UNC13D: variants seen among roughly 807,000 people sequenced by gnomAD.
UNC13D encodes protein unc-13 homolog D.
UNC13D carries 115 observed loss-of-function variants against 151.7 expected under a neutral mutation model. That is an observed-to-expected ratio of 0.76 (90% confidence interval 0.65 to 0.88). The LOEUF (loss-of-function observed/expected upper bound fraction) is 0.88. Among genes scored for constraint, UNC13D ranks in the 40% least tolerant of loss-of-function variants. UNC13D has a pLI of 0.00. For synonymous variants in UNC13D, 588 were observed against 612.2 expected, an observed-to-expected ratio of 0.96 and a Z score of 0.58; for missense variants, 1,369 against 1,438.7, an observed-to-expected ratio of 0.95 and a Z score of 0.78.
rs145830071 is a variant in UNC13D at position 75,829,170 on chromosome 17, G to A, written c.2955-187C>T. 4.0e-3 allele frequency among the ~76,000 whole-genome samples: 607 copies of A among 152,276 alleles called. 6 individuals carry two copies. The highest frequency in any genetic ancestry group is 0.014 in the South Asian group (66 of 4,812). ...CCGTGGGCTGATGCTTTAAACCAGC[G>A]GTCCTGTGTTCCCTGTTCACCTGTG... On this transcript the variant is annotated intron_variant, in intron 30 of 31. Transcript: ENST00000207549.
In UNC13D at chr17:75,840,805, G is replaced by A. The variant is rs769243366; in HGVS notation, c.640C>T (p.Arg214Ter). Residue 214 changes from arginine (R) to a stop codon, truncating the protein, a stop_gained, in exon 8 of 32, where the codon CGA (arginine) becomes TGA (stop). Transcript: ENST00000207549. LOFTEE classifies it high-confidence loss of function. The surrounding 1 kb of genome is among the most constrained non-coding windows in gnomAD (Gnocchi z 4.6). ...TCCGTGAGCTCCCCAAGCTTCTGTCGGACAGACTCCACAGTGTCCAGGTCC... is the reference window on the plus strand; with the variant it reads ...TCCGTGAGCTCCCCAAGCTTCTGTCAGACAGACTCCACAGTGTCCAGGTCC... The part of the protein sequence containing the change: ...MWDLDTVESV[R>*]QKLGELTDLH... 6.2e-6 allele frequency: 10 copies of A among 1,613,772 alleles called. No individual in the cohort carries two copies. Among genetic ancestry groups the A allele is most frequent in the East Asian group, 4.5e-5 (2 of 44,890 alleles).
Position 75,836,702 on chromosome 17 carries a change from G to C in UNC13D, c.1174-6C>G, listed in dbSNP as rs1422119469. 6.2e-7 allele frequency: 1 copy of C among 1,613,438 alleles called. No individual in the cohort carries two copies. Among genetic ancestry groups the C allele is most frequent in the African/African-American group, 1.3e-5 (1 of 74,952 alleles). On this transcript the variant is annotated splice_region_variant and splice_polypyrimidine_tract_variant and intron_variant, in intron 13 of 31. Transcript: ENST00000207549. ...GAGGCGGCCAGCTCCTCCTGCTGAA[G>C]AGCCAGGAGATGCTTTAGGGGCCTA... is the stretch of plus-strand genomic sequence containing the variant.
In UNC13D at chr17:75,827,984, G is replaced by T. The variant is rs778060284; in HGVS notation, c.3254C>A (p.Ala1085Asp). Residue 1085 changes from alanine (A) to aspartate (D), a missense_variant, in exon 32 of 32, where the codon GCC becomes GAC. Coordinates refer to ENST00000207549, the MANE Select transcript of UNC13D (RefSeq NM_199242.3). Reference protein sequence around the residue: ...RHRAKQASQHALRPAP With the variant: ...RHRAKQASQHDLRPAP ...CTACGGCTACGGTGCCGGCCGCAAG[G>T]CATGCTGGGAGGCCTGCTTGGCCCG... 7.5e-6 allele frequency: 12 copies of T among 1,605,026 alleles called. No homozygotes were observed. The highest frequency in any genetic ancestry group is 3.4e-5 in the Admixed American group (2 of 59,326).
intron 13 of UNC13D, 44 bp from the exon 14 acceptor site, chr17:75,836,740 T>C (rs748565776): frequency 1.9e-6 from 3 of 1,613,348 alleles, no homozygotes; most frequent in Non-Finnish European, 1.7e-6. Context: ...CAGCTGCTGC[T>C]GCTCCCCTGC....
At chr17:75,834,289 G>A (rs2064891286) in intron 23 of UNC13D, 36 bp downstream of exon 23, 2 of 1,589,242 alleles carry the variant, frequency 1.3e-6, no homozygotes, top group Non-Finnish European at 1.7e-6. Context: ...CTGAAGACGG[G>A]ATGGGATGGG....
At chr17:75,837,700 G>A (rs2064918233) in intron 12 of UNC13D, among the ~76,000 whole-genome samples, 1 of 150,250 alleles carries the variant, frequency 6.7e-6, no homozygotes, top group African/African-American at 2.5e-5. Context: ...GTTGCAGTGA[G>A]CTGAGATTGT....
chr17:75,844,083 C>G (rs2064968820), intron 1 of UNC13D, 138 bp downstream of exon 1: 1 of 1,501,332 alleles, frequency 6.7e-7, no homozygotes, highest in African/African-American at 1.4e-5. Flanking sequence ...GGGGCTCTCC[C>G]CAGGGTGGAG....
intron 30 of UNC13D, among the ~76,000 whole-genome samples, chr17:75,829,303 CT>C (rs542441754): frequency 2.0e-5 from 3 of 152,228 alleles, no homozygotes; most frequent in African/African-American, 7.2e-5. Flanking sequence ...GGGAAGCAAA[CT>C]TTTTTTTCTG....
intron 25 of UNC13D, 138 bp from the exon 26 acceptor site, chr17:75,831,486 G>A (rs1203035072): frequency 1.3e-5 from 10 of 742,844 alleles, no homozygotes; most frequent in Non-Finnish European, 2.0e-5. Flanking sequence ...CTCCCCCTCC[G>A]CCTCCCACCC....
chr17:75,842,395 G>C (rs372747935), intron 6 of UNC13D, 38 bp downstream of exon 6: 28 of 1,595,242 alleles, frequency 1.8e-5, no homozygotes, highest in Non-Finnish European at 2.3e-5. Flanking sequence ...ACCCAGGAAA[G>C]ACCTGGATAG....
chr17:75,844,107 G>A, intron 1 of UNC13D, 114 bp downstream of exon 1: 2 of 1,519,940 alleles, frequency 1.3e-6, no homozygotes, highest in Non-Finnish European at 1.8e-6. Context: ...GCAGGGGAGG[G>A]TCGCTGGTCC....
At position 75,828,078 on chromosome 17, in the gene UNC13D, T is replaced by G. The variant is rs150952348; in HGVS notation, c.3160A>C (p.Ile1054Leu). Residue 1054 changes from isoleucine to leucine, a missense_variant, in exon 32 of 32, where the codon ATC (isoleucine) becomes CTC (leucine). Coordinates refer to ENST00000207549, the MANE Select transcript of UNC13D (RefSeq NM_199242.3). ...LTYPAPNGDPILQLLEGRKGD... is the reference protein window; with the variant it reads ...LTYPAPNGDPLLQLLEGRKGD... Reference sequence around the variant, plus strand: ...TTCCGGCCCTCCAGCAGCTGCAGGATTGGGTCCCCTGCGGAGAGAGGGGTT... The same window carrying G: ...TTCCGGCCCTCCAGCAGCTGCAGGAGTGGGTCCCCTGCGGAGAGAGGGGTT... 34 of 1,573,436 alleles carry G rather than the reference T, an allele frequency of 2.2e-5. No individual in the cohort carries two copies. The highest frequency in any genetic ancestry group is 2.8e-5 in the Non-Finnish European group (33 of 1,159,600).
In UNC13D at chr17:75,834,670, C is replaced by T. The variant is rs201324352; in HGVS notation, c.2039G>A (p.Arg680Gln). Reference sequence around the variant, plus strand: ...CTGGCCTGAAGAGAGCTCGCGGGCCCGGGCCTTTATAAGGCTGCAGTACAC... The same window carrying T: ...CTGGCCTGAAGAGAGCTCGCGGGCCTGGGCCTTTATAAGGCTGCAGTACAC... ...ALVYCSLIKA[R>Q]ARELSSGQKD... The change falls in exon 22 of 32, where the codon CGG becomes CAG. Residue 680 changes from arginine to glutamine, a missense_variant. Arg to Gln is a conservative substitution (Grantham distance 43). Transcript: ENST00000207549. The T allele has an allele frequency of 2.0e-5, 32 of 1,613,750 alleles. No homozygotes were observed. The East Asian group carries it at 2.7e-4, about 13-fold the overall frequency.
chr17:75,840,080 T>C lies in UNC13D; in HGVS notation c.889A>G (p.Ser297Gly). The C allele has an allele frequency of 6.2e-7, 1 of 1,613,316 alleles. No homozygotes were observed. Among genetic ancestry groups the C allele is most frequent in the Non-Finnish European group, 8.5e-7 (1 of 1,179,932 alleles). The change falls in exon 11 of 32, where the codon AGC becomes GGC. Residue 297 changes from serine (S) to glycine (G), a missense_variant. This residue lies in a region of UNC13D where 550 missense variants were observed against 609.0 expected (regional missense o/e 0.90). Transcript: ENST00000207549. The surrounding 1 kb of genome is among the most constrained non-coding windows in gnomAD (Gnocchi z 4.6). ...RATSASRSQP[S>G]YTVHLHLLQQ... ...AGGAGGTGGAGGTGCACGGTGTAGCTCGGCTGCGAGCGGCTGGCCGAAGTG... is the reference window on the plus strand; with the variant it reads ...AGGAGGTGGAGGTGCACGGTGTAGCCCGGCTGCGAGCGGCTGGCCGAAGTG...
chr17:75,836,357 C>T lies in UNC13D; in HGVS notation c.1371G>A (p.Leu457=). ...ACCATACCTGCAGGGCCTCAGTCAC[C>T]AGCTGGGGCAATGGGGCGGTGTTGG... ...LCPNTAPLPQ[L]VTEALQTGTT... The change falls in exon 15 of 32, where the codon CTG becomes CTA. Residue 457 remains leucine, a synonymous_variant. Coordinates refer to ENST00000207549, the MANE Select transcript of UNC13D (RefSeq NM_199242.3). 1 of 1,614,012 alleles carries T rather than the reference C, an allele frequency of 6.2e-7. No homozygotes were observed. Among genetic ancestry groups the T allele is most frequent in the East Asian group, 2.2e-5 (1 of 44,892 alleles).
chr17:75,836,668 G>A lies in UNC13D; in HGVS notation c.1202C>T (p.Ser401Phe), dbSNP rs758867274. Residue 401 changes from serine (S) to phenylalanine (F), a missense_variant, in exon 14 of 32, where the codon TCC becomes TTC. By Grantham distance (155) the Ser-to-Phe change is radical. This residue lies in a region of UNC13D where 550 missense variants were observed against 609.0 expected (regional missense o/e 0.90). Transcript: ENST00000207549. ...GAGGGAGAGGCCGTAGGTCAGCAGGGAGCTGAATGAGGCGGCCAGCTCCTC... is the reference window on the plus strand; with the variant it reads ...GAGGGAGAGGCCGTAGGTCAGCAGGAAGCTGAATGAGGCGGCCAGCTCCTC... The part of the protein sequence containing the change: ...QQEELAASFS[S>F]LLTYGLSLIR... The A allele has an allele frequency of 7.4e-6, 12 of 1,613,750 alleles. No homozygotes were observed. Among genetic ancestry groups the A allele is most frequent in the Non-Finnish European group, 1.0e-5 (12 of 1,180,040 alleles).
Position 75,835,516 on chromosome 17 carries a change from C to A in UNC13D, c.1741G>T (p.Ala581Ser), listed in dbSNP as rs763766894. ...AACCAGCGGTGGAAATTATCCAGGGCCAGGACTCCATCCCTGGGGATTGCC... is the reference window on the plus strand; with the variant it reads ...AACCAGCGGTGGAAATTATCCAGGGACAGGACTCCATCCCTGGGGATTGCC... ...MSSSERDGVL[A>S]LDNFHRWFQP... The change falls in exon 20 of 32, where the codon GCC becomes TCC. Residue 581 changes from alanine (A) to serine (S), a missense_variant. By Grantham distance (99) the Ala-to-Ser change is moderately conservative. Around this residue, in one of 3 missense-constraint regions of UNC13D, gnomAD observed 807 missense variants for 795.5 expected, o/e 1.01. Transcript: ENST00000207549. 16 of 1,605,560 alleles carry A rather than the reference C, an allele frequency of 1.0e-5. No homozygotes were observed. In the African/African-American group the frequency reaches 1.2e-4, roughly 12 times the overall value.
In UNC13D at chr17:75,836,239, C is replaced by T. The variant is rs1362209226; in HGVS notation, c.1407G>A (p.Trp469Ter). 1 of 1,612,660 alleles carries T rather than the reference C, an allele frequency of 6.2e-7. No individual in the cohort carries two copies. Among genetic ancestry groups the T allele is most frequent in the Admixed American group, 1.7e-5 (1 of 59,888 alleles). ...TEALQTGTTE[W>*]FHLKQQHHQP... Reference sequence around the variant, plus strand: ...GATGGTGCTGCTGCTTCAGGTGGAACCATTCAGTGGTGCCAGTCTGTCGAC... The same window carrying T: ...GATGGTGCTGCTGCTTCAGGTGGAATCATTCAGTGGTGCCAGTCTGTCGAC... The change falls in exon 16 of 32, where the codon TGG (tryptophan) becomes TGA (stop). Residue 469 changes from tryptophan (W) to a stop codon, truncating the protein, a stop_gained. Transcript: ENST00000207549. LOFTEE classifies it high-confidence loss of function.
intron 5 of UNC13D, 88 bp from the exon 6 acceptor site, chr17:75,842,701 TC>T (rs1444522265): frequency 1.2e-6 from 2 of 1,601,414 alleles, no homozygotes; most frequent in East Asian, 4.5e-5. Context: ...GGGCTGAGCC[TC>T]CTCCGGGGGA....
Sources: allele counts gnomAD v4.1 joint callset (sites outside exome capture counted in the v4.1 genomes callset), GRCh38; gene constraint gnomAD v4.1.1; regional missense constraint gnomAD v4.1.1; non-coding constraint Gnocchi (gnomAD v3.1); transcripts MANE v1.5; gene names NCBI Gene and HGNC (gene_info 2026-07-23, HGNC 2026-07-21).